TARBP1: variants seen among roughly 807,000 people sequenced by gnomAD.
The protein encoded by TARBP1 is tRNA guanosine 2 -O-methyltransferase TARBP1.
In TARBP1, 144 loss-of-function variants were observed where a neutral mutation model predicts 178.6. That is an observed-to-expected ratio of 0.81 (90% CI 0.70 to 0.93). TARBP1 has a LOEUF of 0.93. Among genes scored for constraint, TARBP1 ranks in the 40% least tolerant of loss-of-function variants. The pLI, the probability that TARBP1 is intolerant of heterozygous loss-of-function variation, is 0.00. For synonymous variants in TARBP1, 787 were observed against 781.0 expected (o/e 1.01, Z -0.13); for missense variants, 2,067 against 2,011.7 (o/e 1.03, Z -0.53).
chr1:234,448,617 A>G, intron 10 of TARBP1, 38 bp from the exon 11 acceptor site: 1 of 1,521,888 alleles, frequency 6.6e-7, no homozygotes, highest in East Asian at 2.3e-5. Context: ...AAGCATTAAC[A>G]AAATCCTTCA....
In TARBP1 at chr1:234,432,135, CAA is replaced by C. The variant is rs72281584; in HGVS notation, c.2394+1273_2394+1274del. ...TGGCAAAAGAGCGAAACTCCGTCTC[CAA>C]AAAAAAAAAAAAAAAGCCTTGAGGC... is the stretch of plus-strand genomic sequence containing the variant. On this transcript the variant is annotated intron_variant, in intron 14 of 29. Coordinates refer to ENST00000040877, the MANE Select transcript of TARBP1 (RefSeq NM_005646.4). Among the ~76,000 whole-genome samples, 931 of 94,274 alleles carry C rather than the reference CAA, an allele frequency of 9.9e-3. 10 individuals carry two copies. The highest frequency in any genetic ancestry group is 0.033 in the African/African-American group (843 of 25,378). The allele number at this position is 94,274 out of a possible 152,430, so 61.8% of individuals were successfully genotyped here.
At position 234,420,725 on chromosome 1, in the gene TARBP1, C is replaced by T. The variant is rs773777287; in HGVS notation, c.3532G>A (p.Val1178Ile). 1 of 1,610,956 alleles carries T rather than the reference C, an allele frequency of 6.2e-7. No homozygotes were observed. Among genetic ancestry groups the T allele is most frequent in the South Asian group, 1.1e-5 (1 of 90,516 alleles). Residue 1178 changes from valine (V) to isoleucine (I), a missense_variant, in exon 21 of 30, where the codon GTA becomes ATA. Transcript: ENST00000040877. ...ACCTGGTCAAGTCTAGGGAAAAGTA[C>T]CAGCAGAGTCTGCCACACTCGGTTT... The part of the protein sequence containing the change: ...VKNRVWQTLL[V>I]LFPRLDQNFL...
chr1:234,448,587 A>G lies in TARBP1; in HGVS notation c.1862-8T>C. 1 of 1,611,246 alleles carries G rather than the reference A, an allele frequency of 6.2e-7. No homozygotes were observed. The highest frequency in any genetic ancestry group is 1.3e-5 in the African/African-American group (1 of 75,010). On this transcript the variant is annotated splice_polypyrimidine_tract_variant and splice_region_variant and intron_variant, in intron 10 of 29. Transcript: ENST00000040877. ...TAAAGCAGTTTTCTCCTGCTTAAATAACAACAGTTAAGGTTTGCAAAGCAT... is the reference window on the plus strand; with the variant it reads ...TAAAGCAGTTTTCTCCTGCTTAAATGACAACAGTTAAGGTTTGCAAAGCAT...
intron 12 of TARBP1, among the ~76,000 whole-genome samples, chr1:234,441,076 T>TG (rs1665544254): frequency 6.6e-6 from 1 of 152,060 alleles, no homozygotes; most frequent in Non-Finnish European, 1.5e-5. Context: ...CCCAGCTACT[T>TG]GGGGGGCTGA....
At chr1:234,425,972 G>T (rs1020319094) in intron 19 of TARBP1, among the ~76,000 whole-genome samples, 179 bp from the exon 20 acceptor site, 3 of 152,152 alleles carry the variant, frequency 2.0e-5, no homozygotes, top group Non-Finnish European at 2.9e-5. Flanking sequence ...GATAACAAAT[G>T]AATATATTAC....
intron 24 of TARBP1, among the ~76,000 whole-genome samples, chr1:234,402,424 C>A (rs1225082042): frequency 6.6e-6 from 1 of 152,186 alleles, no homozygotes; most frequent in African/African-American, 2.4e-5. Flanking sequence ...TTGACTCTGT[C>A]TCACCTTCAT....
intron 8 of TARBP1, 52 bp downstream of exon 8, chr1:234,459,178 A>G: frequency 7.2e-7 from 1 of 1,386,370 alleles, no homozygotes; most frequent in South Asian, 1.2e-5. Context: ...ATTTCTGTAC[A>G]CCCACTCACT....
At chr1:234,429,049 C>A in intron 17 of TARBP1, 87 bp downstream of exon 17, 2 of 1,243,166 alleles carry the variant, frequency 1.6e-6, no homozygotes, top group East Asian at 2.7e-5. Context: ...AGCCAAAAAT[C>A]TAATTGTGAA....
rs555271751 is a variant in TARBP1 at position 234,425,945 on chromosome 1, T to C, written c.3324-152A>G. On this transcript the variant is annotated intron_variant, in intron 19 of 29. Coordinates refer to ENST00000040877, the MANE Select transcript of TARBP1 (RefSeq NM_005646.4). Reference sequence around the variant, plus strand: ...TACTTAATGACAATACTTTTTAATTTAGAATAGATAACAGAAGATAACAAA... The same window carrying C: ...TACTTAATGACAATACTTTTTAATTCAGAATAGATAACAGAAGATAACAAA... The C allele has an allele frequency of 2.3e-5, 14 of 609,770 alleles. 1 individual carries two copies. In the East Asian group the frequency reaches 4.1e-4, roughly 18 times the overall value. The allele number at this position is 609,770 out of a possible 1,614,324, so 37.8% of individuals were successfully genotyped here.
intron 3 of TARBP1, among the ~76,000 whole-genome samples, chr1:234,470,897 T>C (rs1668981648): frequency 6.6e-6 from 1 of 152,108 alleles, no homozygotes; most frequent in Non-Finnish European, 1.5e-5. Context: ...ATTACAGGCA[T>C]AAGCCACCAC....
At chr1:234,447,905 T>C (rs1005871085) in intron 11 of TARBP1, among the ~76,000 whole-genome samples, 2 of 152,286 alleles carry the variant, frequency 1.3e-5, no homozygotes, top group Admixed American at 6.5e-5. Flanking sequence ...ATAAAACCAG[T>C]GACTATTGTA....
Position 234,459,314 on chromosome 1 carries a change from A to G in TARBP1, c.1548T>C (p.His516=), listed in dbSNP as rs1182602363. The G allele has an allele frequency of 6.2e-7, 1 of 1,609,442 alleles. No homozygotes were observed. Among genetic ancestry groups the G allele is most frequent in the Non-Finnish European group, 8.5e-7 (1 of 1,178,284 alleles). Residue 516 remains histidine, a synonymous_variant, in exon 8 of 30, where the codon CAT becomes CAC. Transcript: ENST00000040877. ...GAATCTGATGTGTGATCATAGTGCA[A>G]TGAATAACATCCCTGACATCGAAAC... ...DGLLALRDVI[H]CTMITHQILL...
chr1:234,424,188 A>T (rs559499840), intron 20 of TARBP1, among the ~76,000 whole-genome samples: 2 of 152,364 alleles, frequency 1.3e-5, no homozygotes, highest in African/African-American at 4.8e-5. Flanking sequence ...TCATTCATAC[A>T]TCCACACCAA....
Position 234,451,721 on chromosome 1 carries a change from C to T in TARBP1, c.1723-1155G>A, listed in dbSNP as rs1200645337. On this transcript the variant is annotated intron_variant, in intron 9 of 29. Coordinates refer to ENST00000040877, the MANE Select transcript of TARBP1 (RefSeq NM_005646.4). The stretch of plus-strand genomic sequence containing the variant: ...CCGAGATCCCGCCACTGCACTCCAG[C>T]CTGGGCGACAGAGCGAGACTCCGTC... 1.3e-4 allele frequency among the ~76,000 whole-genome samples: 2 copies of T among 15,680 alleles called. 1 individual carries two copies. Among genetic ancestry groups the T allele is most frequent in the Admixed American group, 2.4e-3 (2 of 846 alleles). 10.3% of individuals were successfully genotyped at this position (15,680 alleles called of 152,430 possible).
chr1:234,433,140 AG>A (rs1364565018), intron 14 of TARBP1, among the ~76,000 whole-genome samples: 1 of 152,150 alleles, frequency 6.6e-6, no homozygotes, highest in African/African-American at 2.4e-5. Flanking sequence ...CAGGAGGCTG[AG>A]GCAGGAGAAT....
At chr1:234,430,332 A>AATAT in intron 14 of TARBP1, 31 bp from the exon 15 acceptor site, 1 of 1,596,660 alleles carries the variant, frequency 6.3e-7, no homozygotes, top group Non-Finnish European at 8.6e-7. Flanking sequence ...TGTTTTATTT[A>AATAT]ATATGCACAA....
intron 23 of TARBP1, among the ~76,000 whole-genome samples, chr1:234,408,334 T>A (rs1383249003): frequency 6.6e-6 from 1 of 152,188 alleles, no homozygotes; most frequent in Non-Finnish European, 1.5e-5. Flanking sequence ...CAAGCTGTCC[T>A]TGTTCATTCC....
intron 1 of TARBP1, 128 bp downstream of exon 1, chr1:234,478,045 C>G: frequency 2.2e-6 from 2 of 919,458 alleles, no homozygotes; most frequent in South Asian, 1.7e-5. Context: ...AGGGGAGCAA[C>G]GCGGAATAAC....
At chr1:234,468,134 C>A (rs556978488) in intron 3 of TARBP1, among the ~76,000 whole-genome samples, 2 of 124,344 alleles carry the variant, frequency 1.6e-5, no homozygotes, top group South Asian at 4.8e-4. Context: ...TTCAGTATTC[C>A]GTATTCAGGC....
Sources: allele counts gnomAD v4.1 joint callset (sites outside exome capture counted in the v4.1 genomes callset), GRCh38; gene constraint gnomAD v4.1.1; transcripts MANE v1.5; gene names NCBI Gene and HGNC (gene_info 2026-07-23, HGNC 2026-07-21).